TMEM98: variants seen among roughly 807,000 people sequenced by gnomAD.
The protein encoded by TMEM98 is transmembrane protein 98.
A neutral mutation model predicts 25.0 loss-of-function variants in TMEM98; 18 were observed. The observed-to-expected ratio is 0.72, with a 90% CI of 0.50 to 1.07. The LOEUF (loss-of-function observed/expected upper bound fraction) is 1.07. TMEM98 is among the 50% of genes least tolerant of loss of function. The pLI, the probability that TMEM98 is intolerant of heterozygous loss-of-function variation, is 0.00. For missense variants in TMEM98, 241 were observed against 289.0 expected (o/e 0.83, Z 1.20); for synonymous variants, 103 against 112.4 (o/e 0.92, Z 0.53).
At position 32,941,375 on chromosome 17, in the gene TMEM98, G is replaced by A. The variant is rs577702571; in HGVS notation, c.*382G>A. The A allele has an allele frequency of 1.3e-4, 22 of 164,182 alleles. No individual in the cohort carries two copies. Among genetic ancestry groups the A allele is most frequent in the African/African-American group, 5.3e-4 (22 of 41,802 alleles). 10.2% of individuals were successfully genotyped at this position (164,182 alleles called of 1,614,324 possible). A position where few individuals can be genotyped will look rare whatever the true frequency, so the allele number is the denominator to read the frequency against. ...CTCTCTCGATCGGTCAGAATGTGTG[G>A]CAATTCTGATCTGCATTTTCAGAAG... On this transcript the variant is annotated 3_prime_UTR_variant, in exon 8 of 8. Coordinates refer to ENST00000579849, the MANE Select transcript of TMEM98 (RefSeq NM_015544.3).
At chr17:32,932,187 G>A (rs546023743) in intron 3 of TMEM98, among the ~76,000 whole-genome samples, 60 of 142,560 alleles carry the variant, frequency 4.2e-4, no homozygotes, top group African/African-American at 1.6e-3. Flanking sequence ...TGCAACCTCC[G>A]CCTCCCGGGT....
intron 1 of TMEM98, among the ~76,000 whole-genome samples, chr17:32,929,149 C>T (rs978328478): frequency 6.6e-6 from 1 of 151,834 alleles, no homozygotes; most frequent in Non-Finnish European, 1.5e-5. Context: ...ATTCAGAAAA[C>T]ACTCAGAAAC....
chr17:32,942,497 A>T lies in TMEM98; in HGVS notation c.*1504A>T, dbSNP rs544091425. 6.6e-6 allele frequency: 1 copy of T among 152,356 alleles called. No individual in the cohort carries two copies. The highest frequency in any genetic ancestry group is 2.4e-5 in the African/African-American group (1 of 41,584). 9.4% of individuals were successfully genotyped at this position (152,356 alleles called of 1,614,324 possible). ...GGGGAACCAGGAACCCATATTCCCA[A>T]ATCCAAGATTGGGACCTGGTTTGTC... is the stretch of plus-strand genomic sequence containing the variant. On this transcript the variant is annotated 3_prime_UTR_variant, in exon 8 of 8. Transcript: ENST00000579849.
chr17:32,931,690 G>C, intron 3 of TMEM98, 31 bp downstream of exon 3: 1 of 1,596,332 alleles, frequency 6.3e-7, no homozygotes. Context: ...CAAGGAGGAG[G>C]GGTGGGCTCT....
At position 32,938,791 on chromosome 17, in the gene TMEM98, C is replaced by T. The variant is rs148958556; in HGVS notation, c.414-686C>T. ...AAACCACTATTAAGTGGTGAGTGTT[C>T]CTCCAGATCCTTCCCAACCCCACAT... is the stretch of plus-strand genomic sequence containing the variant. On this transcript the variant is annotated intron_variant, in intron 6 of 7. Coordinates refer to ENST00000579849, the MANE Select transcript of TMEM98 (RefSeq NM_015544.3). Among the ~76,000 whole-genome samples the T allele has an allele frequency of 1.2e-3, 182 of 152,290 alleles. 2 individuals are homozygous for T. The East Asian group carries it at 0.024, about 20-fold the overall frequency.
In TMEM98 at chr17:32,936,422, G is replaced by A. The variant is rs1446266379; in HGVS notation, c.388G>A (p.Val130Met). ...KTSASVSDII[V>M]VAKRISPRVD... The stretch of plus-strand genomic sequence containing the variant: ...TTCAGCCAGTGTCAGCGACATCATT[G>A]TGGTGGCCAAGCGGATCAGCCCCAG... Residue 130 changes from valine (V) to methionine (M), a missense_variant, in exon 6 of 8, where the codon GTG (valine) becomes ATG (methionine). Transcript: ENST00000579849. The A allele has an allele frequency of 6.2e-7, 1 of 1,614,222 alleles. No homozygotes were observed. The highest frequency in any genetic ancestry group is 1.1e-5 in the South Asian group (1 of 91,084).
intron 6 of TMEM98, 32 bp downstream of exon 6, chr17:32,936,479 C>T (rs763502643): frequency 1.3e-6 from 2 of 1,584,872 alleles, no homozygotes; most frequent in South Asian, 1.1e-5. Flanking sequence ...GGTCCCCACA[C>T]TCCCTGAGGG....
At position 32,939,543 on chromosome 17, in the gene TMEM98, C is replaced by T; in HGVS notation, c.473+7C>T. On this transcript the variant is annotated splice_region_variant and intron_variant, in intron 7 of 7. Transcript: ENST00000579849. ...CCAAACTCCTGGACGCACGGTGAGA[C>T]CAGGGGTGGGTGCATGTTCGGTTTT... The T allele has an allele frequency of 6.2e-7, 1 of 1,614,094 alleles. No homozygotes were observed.
In TMEM98 at chr17:32,931,637, C is replaced by T. The variant is rs1221833461; in HGVS notation, c.109C>T (p.Leu37=). 1 of 1,605,870 alleles carries T rather than the reference C, an allele frequency of 6.2e-7. No homozygotes were observed. The highest frequency in any genetic ancestry group is 8.5e-7 in the Non-Finnish European group (1 of 1,176,826). Reference sequence around the variant, plus strand: ...GCAGCGCTACTGCCGGCCGCGAGACCTGCTGCAGCGCTATGATTCTAAGTG... The same window carrying T: ...GCAGCGCTACTGCCGGCCGCGAGACTTGCTGCAGCGCTATGATTCTAAGTG... ...CRQRYCRPRD[L]LQRYDSKPIV... The change falls in exon 3 of 8, where the codon CTG becomes TTG. Residue 37 remains leucine, a synonymous_variant. Transcript: ENST00000579849.
chr17:32,928,448 G>C (rs1355898097), intron 1 of TMEM98, among the ~76,000 whole-genome samples: 1 of 148,168 alleles, frequency 6.7e-6, no homozygotes, highest in African/African-American at 2.6e-5. Context: ...GGCGGGCTGG[G>C]GGTCCCTCCC....
chr17:32,939,443 A>C, intron 6 of TMEM98, 34 bp from the exon 7 acceptor site: 1 of 1,601,762 alleles, frequency 6.2e-7, no homozygotes, highest in Non-Finnish European at 8.5e-7. Context: ...AGATCAGGAA[A>C]GTGAAGTACT....
At chr17:32,938,664 A>AT (rs935768470) in intron 6 of TMEM98, among the ~76,000 whole-genome samples, 10 of 151,314 alleles carry the variant, frequency 6.6e-5, no homozygotes, top group Non-Finnish European at 1.3e-4. Context: ...TTAGCTTTGT[A>AT]TTTTTTTTTC....
At chr17:32,930,873 C>G (rs2091464524) in intron 1 of TMEM98, 1 of 152,068 alleles carries the variant, frequency 6.6e-6, no homozygotes, top group Non-Finnish European at 1.5e-5. Flanking sequence ...AAAACAACTG[C>G]TAGTTAAAAT....
intron 1 of TMEM98, among the ~76,000 whole-genome samples, chr17:32,929,058 ACACT>A (rs947865304): frequency 2.0e-5 from 3 of 148,092 alleles, no homozygotes; most frequent in East Asian, 1.9e-4. Flanking sequence ...CAGCTCACAC[ACACT>A]CAGAAACATA....
At chr17:32,933,085 T>A (rs2091478228) in intron 3 of TMEM98, 89 bp from the exon 4 acceptor site, 1 of 1,538,424 alleles carries the variant, frequency 6.5e-7, no homozygotes, top group South Asian at 1.3e-5. Context: ...CTCCCTTACT[T>A]CTTTTATGGT....
At chr17:32,939,939 C>T (rs933942181) in intron 7 of TMEM98, among the ~76,000 whole-genome samples, 2 of 152,174 alleles carry the variant, frequency 1.3e-5, no homozygotes, top group African/African-American at 4.8e-5. Flanking sequence ...ATGGAGGTGA[C>T]AGGTCAGCCA....
chr17:32,938,579 G>C (rs371432627), intron 6 of TMEM98, among the ~76,000 whole-genome samples: 64 of 152,248 alleles, frequency 4.2e-4, no homozygotes, highest in African/African-American at 1.5e-3. Flanking sequence ...TTAACCACAG[G>C]GTAGAAGAAA....
At chr17:32,929,879 C>G (rs1225408572) in intron 1 of TMEM98, among the ~76,000 whole-genome samples, 1 of 152,150 alleles carries the variant, frequency 6.6e-6, no homozygotes, top group Non-Finnish European at 1.5e-5. Flanking sequence ...TTTCTGTGTT[C>G]TTCTGCAGGA....
rs1394596778 is a variant in TMEM98, at chr17:32,943,710, A to G, written c.*2717A>G. 2.6e-5 allele frequency: 4 copies of G among 152,170 alleles called. No homozygotes were observed. Among genetic ancestry groups the G allele is most frequent in the Non-Finnish European group, 5.9e-5 (4 of 68,046 alleles). The allele number at this position is 152,170 out of a possible 1,614,324, so 9.4% of individuals were successfully genotyped here. The stretch of plus-strand genomic sequence containing the variant: ...CATTCTCATCTGTATGGTCAAGGCT[A>G]TTGTCATTGGGTTGGTATGTCAACA... On this transcript the variant is annotated 3_prime_UTR_variant, in exon 8 of 8. Transcript: ENST00000579849.
Sources: allele counts gnomAD v4.1 joint callset (sites outside exome capture counted in the v4.1 genomes callset), GRCh38; gene constraint gnomAD v4.1.1; transcripts MANE v1.5; gene names NCBI Gene and HGNC (gene_info 2026-07-23, HGNC 2026-07-21).